The following MKLN1 variants were observed in gnomAD, a reference collection of about 807,000 sequenced individuals.
The protein encoded by MKLN1 is muskelin.
Under a neutral mutation model 99.0 loss-of-function variants are expected in MKLN1, and 18 were observed. The observed-to-expected ratio is 0.18, with a 90% CI of 0.13 to 0.27. The LOEUF is 0.27. MKLN1 is among the 10% of genes least tolerant of loss of function. MKLN1 has a pLI of 1.00. For missense variants in MKLN1, 621 were observed against 875.9 expected (o/e 0.71, Z 3.67); for synonymous variants, 288 against 293.2 (o/e 0.98, Z 0.18).
At position 131,277,230 on chromosome 7, in the gene MKLN1, G is replaced by T. The variant is rs180781665; in HGVS notation, c.-179+74256G>T. 5.1e-4 allele frequency among the ~76,000 whole-genome samples: 78 copies of T among 151,768 alleles called. 1 individual carries two copies. Among genetic ancestry groups the T allele is most frequent in the Middle Eastern group, 6.8e-3 (2 of 292 alleles). On this transcript the variant is annotated intron_variant, in intron 3 of 7. Transcript: ENST00000416992. ...TTAGAAGAAAGAAAACCTAATGTTT[G>T]ATAGATCAGTAGGATGATCTGTATT... is the stretch of plus-strand genomic sequence containing the variant.
intron 15 of MKLN1, among the ~76,000 whole-genome samples, chr7:131,467,523 GCTGT>G (rs1157563649): frequency 6.6e-6 from 1 of 152,152 alleles, no homozygotes; most frequent in African/African-American, 2.4e-5. Context: ...GAATCATATA[GCTGT>G]CTGGTGGGGT....
At chr7:131,470,117 T>C (rs1031041384) in intron 15 of MKLN1, among the ~76,000 whole-genome samples, 1 of 152,210 alleles carries the variant, frequency 6.6e-6, no homozygotes, top group African/African-American at 2.4e-5. Flanking sequence ...TCCACCCACC[T>C]TGACTTCCCA....
At position 131,357,748 on chromosome 7, in the gene MKLN1, T is replaced by G. The variant is rs144907842; in HGVS notation, c.99-17676T>G. On this transcript the variant is annotated intron_variant, in intron 1 of 17. Transcript: ENST00000352689. ...TTGTTTTGTTTTTCATTTTAGTGCT[T>G]TCTTAATTTCTGGTATTACAGGATG... Among the ~76,000 whole-genome samples the G allele has an allele frequency of 3.7e-4, 57 of 152,286 alleles. No individual in the cohort carries two copies. The East Asian group carries it at 7.7e-3, about 21-fold the overall frequency.
At chr7:131,190,811 TAG>T (rs1289390203) in intron 2 of MKLN1, among the ~76,000 whole-genome samples, 5 of 152,160 alleles carry the variant, frequency 3.3e-5, no homozygotes, top group Admixed American at 3.3e-4. Context: ...GAAATCTGTG[TAG>T]AGACTGGTAG....
intron 3 of MKLN1, among the ~76,000 whole-genome samples, chr7:131,298,858 A>G (rs80322823): frequency 0.069 from 10,528 of 152,240 alleles, 376 homozygotes; most frequent in Middle Eastern, 0.13. Flanking sequence ...AACGAGGGTC[A>G]ACTATCAAGC....
At chr7:131,333,069 G>T (rs1192977777) in intron 1 of MKLN1, among the ~76,000 whole-genome samples, 1 of 152,020 alleles carries the variant, frequency 6.6e-6, no homozygotes. Flanking sequence ...TATTACAGGC[G>T]TGCACCACCA....
intron 17 of MKLN1, among the ~76,000 whole-genome samples, chr7:131,480,289 A>G (rs1186305907): frequency 6.6e-6 from 1 of 152,224 alleles, no homozygotes; most frequent in Non-Finnish European, 1.5e-5. Context: ...TATGTAATAT[A>G]AATACTATTT....
chr7:131,129,217 A>G (rs1483875436), intron 1 of MKLN1, among the ~76,000 whole-genome samples: 1 of 152,204 alleles, frequency 6.6e-6, no homozygotes, highest in Non-Finnish European at 1.5e-5. Flanking sequence ...GATATCTTAC[A>G]TGGATAAAGA....
At chr7:131,218,216 A>G (rs1032312739) in intron 3 of MKLN1, among the ~76,000 whole-genome samples, 7 of 152,218 alleles carry the variant, frequency 4.6e-5, no homozygotes, top group African/African-American at 1.4e-4. Context: ...TTTTACAATA[A>G]TGATGTTATC....
chr7:131,409,245 C>T (rs1794798854), intron 6 of MKLN1, among the ~76,000 whole-genome samples: 2 of 152,058 alleles, frequency 1.3e-5, no homozygotes, highest in Non-Finnish European at 2.9e-5. Flanking sequence ...CTAAAGCAAG[C>T]CTACCAAGGC....
intron 1 of MKLN1, among the ~76,000 whole-genome samples, chr7:131,364,372 T>C (rs188138347): frequency 2.8e-4 from 42 of 152,224 alleles, no homozygotes; most frequent in African/African-American, 9.4e-4. Context: ...ATTTCTCGAA[T>C]ATTGGGAGAG....
chr7:131,383,760 A>G (rs140347446), intron 2 of MKLN1, among the ~76,000 whole-genome samples: 6 of 152,182 alleles, frequency 3.9e-5, no homozygotes, highest in African/African-American at 1.2e-4. Context: ...CCTGCATCCA[A>G]TCTGTCACCA....
chr7:131,344,808 A>AT (rs922492355), intron 1 of MKLN1, among the ~76,000 whole-genome samples: 61 of 147,698 alleles, frequency 4.1e-4, no homozygotes, highest in Middle Eastern at 3.5e-3. Flanking sequence ...ATCATAAATA[A>AT]TTTTTTTTTT....
intron 1 of MKLN1, among the ~76,000 whole-genome samples, chr7:131,373,767 A>T (rs1296703334): frequency 6.6e-6 from 1 of 152,208 alleles, no homozygotes; most frequent in African/African-American, 2.4e-5. Context: ...CACAACTAAG[A>T]TGTCAACATT....
At chr7:131,328,601 G>C (rs1248274206) in intron 1 of MKLN1, among the ~76,000 whole-genome samples, 1 of 152,188 alleles carries the variant, frequency 6.6e-6, no homozygotes, top group East Asian at 1.9e-4. Flanking sequence ...TTAATGCCTG[G>C]AAGTTCTGAA....
intron 3 of MKLN1, among the ~76,000 whole-genome samples, chr7:131,297,644 A>C (rs1798313190): frequency 6.6e-6 from 1 of 152,146 alleles, no homozygotes; most frequent in Non-Finnish European, 1.5e-5. Context: ...CAATGGAAAA[A>C]AATGCACAGA....
rs921072845 is a variant in MKLN1, at chr7:131,347,976, T to C, written c.98+19979T>C. Among the ~76,000 whole-genome samples the C allele has an allele frequency of 2.8e-4, 42 of 152,330 alleles. 1 individual carries two copies. The highest frequency in any genetic ancestry group is 3.4e-3 in the Middle Eastern group (1 of 294). On this transcript the variant is annotated intron_variant, in intron 1 of 17. Coordinates refer to ENST00000352689, the MANE Select transcript of MKLN1 (RefSeq NM_013255.5). The stretch of plus-strand genomic sequence containing the variant: ...AGTAACAAACTAATGGTTTGTGACC[T>C]GATGAACATTCTGTATTTAACAAAG...
intron 2 of MKLN1, among the ~76,000 whole-genome samples, chr7:131,170,120 C>G (rs951895088): frequency 6.6e-6 from 1 of 152,116 alleles, no homozygotes; most frequent in African/African-American, 2.4e-5. Flanking sequence ...GAGAGCGAGC[C>G]ATTGTAGCTG....
At position 131,149,675 on chromosome 7, in the gene MKLN1, A is replaced by G. The variant is rs145495771; in HGVS notation, c.-297+6734A>G. ...CAAACAAACAGTTTTTCATAAAGCT[A>G]TGAGTACATGAATAGAGTGGGCCCC... On this transcript the variant is annotated intron_variant, in intron 2 of 7. Transcript: ENST00000416992. Among the ~76,000 whole-genome samples, 427 of 152,360 alleles carry G rather than the reference A, an allele frequency of 2.8e-3. 3 individuals are homozygous for G. The highest frequency in any genetic ancestry group is 3.9e-3 in the Admixed American group (59 of 15,290).
Sources: gnomAD v4.1 joint callset for allele counts (sites outside exome capture counted in the v4.1 genomes callset) on GRCh38, gnomAD v4.1.1 for gene constraint, MANE v1.5 for transcripts, NCBI Gene and HGNC (gene_info 2026-07-23, HGNC 2026-07-21) for gene names.